Variants in DNAH1 observed in about 807,000 individuals in gnomAD.
The protein encoded by DNAH1 is axonemal beta dynein heavy chain 1.
In DNAH1, 327 loss-of-function variants were observed where a neutral mutation model predicts 484.3. The observed-to-expected ratio is 0.68, with a 90% CI of 0.62 to 0.74. The LOEUF is 0.74. Ranked by LOEUF, DNAH1 falls within the 30% of genes least tolerant of loss-of-function variation. DNAH1 has a pLI of 0.00. For synonymous variants in DNAH1, 2,192 were observed against 2,191.9 expected (o/e 1.00, Z 0.00); for missense variants, 5,052 against 5,546.8 (o/e 0.91, Z 2.83).
At position 52,378,741 on chromosome 3, in the gene DNAH1, C is replaced by G; in HGVS notation, c.7338C>G (p.Val2446=). 1.2e-6 allele frequency: 2 copies of G among 1,613,804 alleles called. No homozygotes were observed. The highest frequency in any genetic ancestry group is 1.3e-5 in the African/African-American group (1 of 75,044). ...YTFNLRDLSK[V]FQGMLMADPA... ...TCAACCTGAGGGACCTCTCCAAGGT[C>G]TTCCAAGGCATGCTCATGGCTGACC... is the stretch of plus-strand genomic sequence containing the variant. Residue 2446 remains valine (V), a synonymous_variant, in exon 47 of 78, where the codon GTC becomes GTG. Transcript: ENST00000420323.
Position 52,353,343 on chromosome 3 carries a change from C to T in DNAH1, c.3227-37C>T. 1 of 1,608,060 alleles carries T rather than the reference C, an allele frequency of 6.2e-7. No individual in the cohort carries two copies. The highest frequency in any genetic ancestry group is 8.5e-7 in the Non-Finnish European group (1 of 1,175,774). On this transcript the variant is annotated intron_variant, in intron 19 of 77. Coordinates refer to ENST00000420323, the MANE Select transcript of DNAH1 (RefSeq NM_015512.5). This position sits in a 1 kb window ranked among gnomAD's most constrained non-coding sequence, Gnocchi z 5.0. ...GCCAATCCCCTCCTCCCTGCCTCTGCCGCCTGCCTCTCATGCGTTTCTGTC... is the reference window on the plus strand; with the variant it reads ...GCCAATCCCCTCCTCCCTGCCTCTGTCGCCTGCCTCTCATGCGTTTCTGTC...
Position 52,399,037 on chromosome 3 carries a change from C to G in DNAH1, c.12277C>G (p.Leu4093Val), listed in dbSNP as rs749140736. The G allele has an allele frequency of 4.3e-6, 7 of 1,614,058 alleles. No homozygotes were observed. Among genetic ancestry groups the G allele is most frequent in the Non-Finnish European group, 3.4e-6 (4 of 1,179,906 alleles). ...LKPLSSWVMD[L>V]LQRLDFLQAW... ...GCCTCTGTCATCATGGGTCATGGAC[C>G]TGCTGCAACGCCTGGACTTTCTGCA... The change falls in exon 76 of 78, where the codon CTG (leucine) becomes GTG (valine). Residue 4093 changes from leucine to valine, a missense_variant. By Grantham distance (32) the Leu-to-Val change is conservative (BLOSUM62 1). Coordinates refer to ENST00000420323, the MANE Select transcript of DNAH1 (RefSeq NM_015512.5).
chr3:52,385,052 G>T, intron 53 of DNAH1, 75 bp downstream of exon 53: 3 of 1,483,276 alleles, frequency 2.0e-6, no homozygotes, highest in Non-Finnish European at 9.1e-7. Context: ...TGACTCCAGG[G>T]TGACACCATG....
At position 52,393,430 on chromosome 3, in the gene DNAH1, T is replaced by C. The variant is rs776482838; in HGVS notation, c.10571T>C (p.Met3524Thr). The change falls in exon 66 of 78, where the codon ATG becomes ACG. Residue 3524 changes from methionine (M) to threonine (T), a missense_variant. Coordinates refer to ENST00000420323, the MANE Select transcript of DNAH1 (RefSeq NM_015512.5). ...AGCCTCTTTGAGAAGCACAAGCTGA[T>C]GTTTGCCTTCCTGCTGTGTGTTCGC... ...CRSLFEKHKL[M>T]FAFLLCVRIM... 13 of 1,613,910 alleles carry C rather than the reference T, an allele frequency of 8.1e-6. No homozygotes were observed. Among genetic ancestry groups the C allele is most frequent in the African/African-American group, 1.3e-5 (1 of 74,920 alleles).
chr3:52,344,600 C>G lies in DNAH1; in HGVS notation c.1397C>G (p.Ser466Cys), dbSNP rs780595308. Reference protein sequence around the residue: ...HVVSSKPETFSYVTLPKKEEE... With the variant: ...HVVSSKPETFCYVTLPKKEEE... ...GTCTCTTCCAAGCCCGAGACCTTCT[C>G]CTACGTCACCCTCCCCAAGAAGGAG... Residue 466 changes from serine (S) to cysteine (C), a missense_variant, in exon 9 of 78, where the codon TCC (serine) becomes TGC (cysteine). Around this residue, in one of 4 missense-constraint regions of DNAH1, gnomAD observed 1,263 missense variants for 1,218.8 expected, o/e 1.04. Transcript: ENST00000420323. 2.5e-6 allele frequency: 4 copies of G among 1,613,850 alleles called. No individual in the cohort carries two copies. Among genetic ancestry groups the G allele is most frequent in the Non-Finnish European group, 3.4e-6 (4 of 1,179,884 alleles).
intron 25 of DNAH1, 137 bp from the exon 26 acceptor site, chr3:52,359,109 G>C: frequency 7.7e-7 from 1 of 1,298,814 alleles, no homozygotes. Context: ...GGGCTTCCCT[G>C]CTCTGAAGGG....
rs750303004 is a variant in DNAH1 at position 52,332,285 on chromosome 3, T to C, written c.1177T>C (p.Leu393=). Reference sequence around the variant, plus strand: ...CACGGAAGCACTGCTGCTCTACAACTTGTATGTGGACTGCATGCCCTCTGA... The same window carrying C: ...CACGGAAGCACTGCTGCTCTACAACCTGTATGTGGACTGCATGCCCTCTGA... ...KNTEALLLYN[L]YVDCMPSDGQ... is the part of the protein sequence containing the mutation. The change falls in exon 8 of 78, where the codon TTG becomes CTG. Residue 393 remains leucine (L), a synonymous_variant. Coordinates refer to ENST00000420323, the MANE Select transcript of DNAH1 (RefSeq NM_015512.5). 3 of 1,613,918 alleles carry C rather than the reference T, an allele frequency of 1.9e-6. No individual in the cohort carries two copies. The Admixed American group carries it at 5.0e-5, about 27-fold the overall frequency.
Position 52,399,922 on chromosome 3 carries a change from T to C in DNAH1, c.12676+143T>C, listed in dbSNP as rs1050403147. On this transcript the variant is annotated intron_variant, in intron 77 of 77. Transcript: ENST00000420323. The stretch of plus-strand genomic sequence containing the variant: ...GCCAGGCCAGCAAGCAGCAGGCAGG[T>C]TAATGCCCAAGGCCTGCCGTCTGGC... 4 of 888,414 alleles carry C rather than the reference T, an allele frequency of 4.5e-6. No individual in the cohort carries two copies. In the African/African-American group the frequency reaches 5.1e-5, roughly 11 times the overall value. 55.0% of individuals were successfully genotyped at this position (888,414 alleles called of 1,614,324 possible). A position where few individuals can be genotyped will look rare whatever the true frequency, so the allele number is the denominator to read the frequency against.
Position 52,355,135 on chromosome 3 carries a change from G to T in DNAH1, c.3693+80G>T, listed in dbSNP as rs1363828574. The stretch of plus-strand genomic sequence containing the variant: ...CCCACAGGTGTCACTGATGGTCTCC[G>T]GGTGGGGTTCAAAGCATCGCAGTGC... On this transcript the variant is annotated intron_variant, in intron 21 of 77. Coordinates refer to ENST00000420323, the MANE Select transcript of DNAH1 (RefSeq NM_015512.5). This position sits in a 1 kb window ranked among gnomAD's most constrained non-coding sequence, Gnocchi z 4.5. 3 of 1,426,578 alleles carry T rather than the reference G, an allele frequency of 2.1e-6. No individual in the cohort carries two copies. The highest frequency in any genetic ancestry group is 2.8e-5 in the African/African-American group (2 of 71,418). 88.4% of individuals were successfully genotyped at this position (1,426,578 alleles called of 1,614,324 possible). A position where few individuals can be genotyped will look rare whatever the true frequency, so the allele number is the denominator to read the frequency against.
At chr3:52,321,682 T>C (rs1701153305) in intron 1 of DNAH1, 1 of 152,284 alleles carries the variant, frequency 6.6e-6, no homozygotes, top group African/African-American at 2.4e-5. Flanking sequence ...CGGCATCTGC[T>C]GCTCCCTTTG....
chr3:52,318,147 G>C (rs1701018788), intron 1 of DNAH1, among the ~76,000 whole-genome samples: 3 of 152,232 alleles, frequency 2.0e-5, no homozygotes, highest in Admixed American at 2.0e-4. Context: ...CACCTCCCGG[G>C]TTCAAGCGAT....
In DNAH1 at chr3:52,346,474, G is replaced by A. The variant is rs1396124071; in HGVS notation, c.1659G>A (p.Val553=). The stretch of plus-strand genomic sequence containing the variant: ...GATGATGCCTGTGGCCACTCTAGGT[G>A]CAGATGTTCCTCAAGGACAGCTGGA... ...EQIQSQTFSQ[V]QMFLKDSWIS... The change falls in exon 11 of 78, where the codon GTG becomes GTA. Residue 553 remains valine, a splice_region_variant and synonymous_variant. Coordinates refer to ENST00000420323, the MANE Select transcript of DNAH1 (RefSeq NM_015512.5). 4 of 1,608,124 alleles carry A rather than the reference G, an allele frequency of 2.5e-6. No homozygotes were observed. Among genetic ancestry groups the A allele is most frequent in the Admixed American group, 3.4e-5 (2 of 59,478 alleles).
At chr3:52,386,393 C>A in intron 55 of DNAH1, 48 bp downstream of exon 55, 1 of 1,506,654 alleles carries the variant, frequency 6.6e-7, no homozygotes, top group South Asian at 1.3e-5. Flanking sequence ...TGCCTCTGTC[C>A]TCAAGCCTTC....
At chr3:52,371,905 G>A in intron 41 of DNAH1, 41 bp from the exon 42 acceptor site, 1 of 1,604,710 alleles carries the variant, frequency 6.2e-7, no homozygotes, top group Non-Finnish European at 8.5e-7. Context: ...GTGGGGCAGG[G>A]AGGGGTTCCA....
At position 52,362,957 on chromosome 3, in the gene DNAH1, GCT is replaced by G; in HGVS notation, c.5095-35_5095-34del. 2 of 1,611,938 alleles carry G rather than the reference GCT, an allele frequency of 1.2e-6. No individual in the cohort carries two copies. Among genetic ancestry groups the G allele is most frequent in the Non-Finnish European group, 1.7e-6 (2 of 1,178,658 alleles). On this transcript the variant is annotated intron_variant, in intron 31 of 77. Coordinates refer to ENST00000420323, the MANE Select transcript of DNAH1 (RefSeq NM_015512.5). This position sits in a 1 kb window ranked among gnomAD's most constrained non-coding sequence, Gnocchi z 5.1. ...GAAGCTGGGGGTGCTCTGGGGGTGA[GCT>G]CTGTTTGCTGTTCACATGTGCACTG...
chr3:52,338,516 T>C lies in DNAH1; in HGVS notation c.1287-5974T>C, dbSNP rs574804963. On this transcript the variant is annotated intron_variant, in intron 8 of 77. Transcript: ENST00000420323. ...ACTCTATTAAACGTATCAATATTTT[T>C]TCTGAAGTCTCCCGTCATCTCTTGG... Among the ~76,000 whole-genome samples the C allele has an allele frequency of 2.6e-5, 4 of 152,358 alleles. No individual in the cohort carries two copies. The South Asian group carries it at 8.3e-4, about 32-fold the overall frequency.
chr3:52,343,478 AGGGAGGGT>A (rs1220567308), intron 8 of DNAH1, among the ~76,000 whole-genome samples: 1 of 152,050 alleles, frequency 6.6e-6, no homozygotes, highest in Non-Finnish European at 1.5e-5. Flanking sequence ...TCACCCAGTG[AGGGAGGGT>A]GTGTCTGTGA....
At chr3:52,323,986 T>A in intron 3 of DNAH1, 106 bp downstream of exon 3, 2 of 831,768 alleles carry the variant, frequency 2.4e-6, no homozygotes, top group South Asian at 1.7e-5. Context: ...CCAGCTTCCT[T>A]AACTGTGGAG....
chr3:52,396,364 C>A lies in DNAH1; in HGVS notation c.11260-4C>A, dbSNP rs181779669. ...CAATGCTCACGTGGAGCCATGGCCACCAGGTACACAGGGACTTCCGCCTCT... is the reference window on the plus strand; with the variant it reads ...CAATGCTCACGTGGAGCCATGGCCAACAGGTACACAGGGACTTCCGCCTCT... On this transcript the variant is annotated splice_polypyrimidine_tract_variant and splice_region_variant and intron_variant, in intron 70 of 77. Transcript: ENST00000420323. 149 of 1,570,322 alleles carry A rather than the reference C, an allele frequency of 9.5e-5. No homozygotes were observed. The African/African-American group carries it at 1.9e-3, about 20-fold the overall frequency.
Sources: gnomAD v4.1 joint callset for allele counts (sites outside exome capture counted in the v4.1 genomes callset) on GRCh38, gnomAD v4.1.1 for gene constraint, gnomAD v4.1.1 regional missense constraint, Gnocchi (gnomAD v3.1) non-coding constraint, MANE v1.5 for transcripts, NCBI Gene and HGNC (gene_info 2026-07-23, HGNC 2026-07-21) for gene names.